Variants in CRIM1 observed in about 807,000 individuals in gnomAD.
CRIM1 encodes cysteine rich transmembrane BMP regulator 1, also known as cysteine-rich motor neuron 1 protein.
In CRIM1, 32 loss-of-function variants were observed where a neutral mutation model predicts 116.4. That is an observed-to-expected ratio of 0.27 (90% confidence interval 0.21 to 0.37). The LOEUF is 0.37. CRIM1 is among the 10% of genes least tolerant of loss of function. The pLI is 1.00. For missense variants in CRIM1, 1,331 were observed against 1,354.8 expected, an observed-to-expected ratio of 0.98 and a Z score of 0.28; for synonymous variants, 590 against 509.2, an observed-to-expected ratio of 1.16 and a Z score of -2.13.
chr2:36,416,341 A>AT (rs1673619683), intron 2 of CRIM1, among the ~76,000 whole-genome samples: 1 of 152,198 alleles, frequency 6.6e-6, no homozygotes, highest in African/African-American at 2.4e-5. Flanking sequence ...AACTTTCATG[A>AT]TATGCTAAAA....
At position 36,396,648 on chromosome 2, in the gene CRIM1, T is replaced by G; in HGVS notation, c.366T>G (p.Phe122Leu). The change falls in exon 2 of 17, where the codon TTT (phenylalanine) becomes TTG (leucine). Residue 122 changes from phenylalanine to leucine, a missense_variant. By Grantham distance (22) the Phe-to-Leu change is conservative. Transcript: ENST00000280527. ...GGACTGATGACCAACTGCTTGGTTT[T>G]AAACCATGCAATGAAAACCTTATTG... is the stretch of plus-strand genomic sequence containing the variant. ...ENWTDDQLLG[F>L]KPCNENLIAG... is the part of the protein sequence containing the mutation. 6.2e-7 allele frequency: 1 copy of G among 1,612,048 alleles called. No individual in the cohort carries two copies. Among genetic ancestry groups the G allele is most frequent in the African/African-American group, 1.3e-5 (1 of 75,032 alleles).
chr2:36,396,224 T>TA (rs1672019439), intron 1 of CRIM1, among the ~76,000 whole-genome samples: 1 of 152,198 alleles, frequency 6.6e-6, no homozygotes, highest in Non-Finnish European at 1.5e-5. Context: ...AAGAGCTCTT[T>TA]AAAAAATAAT....
chr2:36,475,919 A>C (rs113750520), intron 5 of CRIM1, among the ~76,000 whole-genome samples: 147 of 152,308 alleles, frequency 9.7e-4, no homozygotes, highest in African/African-American at 3.4e-3. Flanking sequence ...CATTCTTGGA[A>C]TAAGTCTCAC....
intron 4 of CRIM1, among the ~76,000 whole-genome samples, chr2:36,449,100 G>A (rs146355112): frequency 6.8e-6 from 1 of 148,016 alleles, no homozygotes; most frequent in Admixed American, 6.7e-5. Flanking sequence ...CTAATATGTT[G>A]ACTAATATGT....
At chr2:36,528,046 A>G (rs1049710335) in intron 13 of CRIM1, among the ~76,000 whole-genome samples, 14 of 152,226 alleles carry the variant, frequency 9.2e-5, no homozygotes, top group Non-Finnish European at 1.9e-4. Context: ...CAAAAGTGCC[A>G]AGAATATTAA....
intron 1 of CRIM1, among the ~76,000 whole-genome samples, chr2:36,380,124 T>C (rs1670630035): frequency 6.6e-6 from 1 of 152,180 alleles, no homozygotes; most frequent in South Asian, 2.1e-4. Flanking sequence ...CACTGTGTTC[T>C]GTTTCCTTCC....
At chr2:36,381,563 G>T (rs1014748318) in intron 1 of CRIM1, among the ~76,000 whole-genome samples, 1 of 152,252 alleles carries the variant, frequency 6.6e-6, no homozygotes, top group Admixed American at 6.5e-5. Flanking sequence ...TCCAGTGACT[G>T]TGTGGACTAG....
intron 15 of CRIM1, among the ~76,000 whole-genome samples, chr2:36,544,724 C>G (rs1457222635): frequency 6.6e-6 from 1 of 152,190 alleles, no homozygotes; most frequent in Non-Finnish European, 1.5e-5. Flanking sequence ...GCCCTCTGTG[C>G]TCAGAGACTT....
At position 36,387,601 on chromosome 2, in the gene CRIM1, G is replaced by A. The variant is rs543844941; in HGVS notation, c.332-9013G>A. On this transcript the variant is annotated intron_variant, in intron 1 of 16. Coordinates refer to ENST00000280527, the MANE Select transcript of CRIM1 (RefSeq NM_016441.3). ...AGAGTTAAGGTCTGTGCCACAAAGT[G>A]CAGCTAGGAAAACATGTAAATGGGC... Among the ~76,000 whole-genome samples, 6 of 152,304 alleles carry A rather than the reference G, an allele frequency of 3.9e-5. No homozygotes were observed. The East Asian group carries it at 9.6e-4, about 24-fold the overall frequency.
intron 5 of CRIM1, among the ~76,000 whole-genome samples, chr2:36,469,480 G>A (rs574472507): frequency 2.6e-5 from 4 of 152,186 alleles, no homozygotes; most frequent in South Asian, 4.1e-4. Context: ...AGGCATATAC[G>A]AAAGGCTAAT....
At chr2:36,546,522 G>A (rs1485726404) in intron 15 of CRIM1, among the ~76,000 whole-genome samples, 1 of 152,082 alleles carries the variant, frequency 6.6e-6, no homozygotes, top group African/African-American at 2.4e-5. Flanking sequence ...AATCTAATTA[G>A]TCTTAGCTAT....
At chr2:36,428,131 C>T (rs1170718722) in intron 2 of CRIM1, among the ~76,000 whole-genome samples, 3 of 152,232 alleles carry the variant, frequency 2.0e-5, no homozygotes, top group Non-Finnish European at 4.4e-5. Flanking sequence ...GTGTAAGATG[C>T]AGACTACAGA....
At chr2:36,537,177 G>A (rs923801102) in intron 13 of CRIM1, among the ~76,000 whole-genome samples, 175 bp from the exon 14 acceptor site, 2 of 152,190 alleles carry the variant, frequency 1.3e-5, no homozygotes, top group Non-Finnish European at 2.9e-5. Context: ...CAAGATGAGA[G>A]CCCTGAGGGT....
In CRIM1 at chr2:36,548,481, A is replaced by G. The variant is rs774461005; in HGVS notation, c.2935-44A>G. 11 of 1,455,460 alleles carry G rather than the reference A, an allele frequency of 7.6e-6. No individual in the cohort carries two copies. The South Asian group carries it at 1.5e-4, about 20-fold the overall frequency. 90.2% of individuals were successfully genotyped at this position (1,455,460 alleles called of 1,614,324 possible). A position where few individuals can be genotyped will look rare whatever the true frequency, so the allele number is the denominator to read the frequency against. ...TTTCTGTTCATTTGAGATAATGTAA[A>G]GCAACTAATTTTTTGTGGTTTTATT... On this transcript the variant is annotated intron_variant, in intron 16 of 16. Coordinates refer to ENST00000280527, the MANE Select transcript of CRIM1 (RefSeq NM_016441.3).
chr2:36,550,416 TA>T lies in CRIM1; in HGVS notation c.*1720del, dbSNP rs1667687435. On this transcript the variant is annotated 3_prime_UTR_variant, in exon 17 of 17. Transcript: ENST00000280527. ...CCCATTTGTGCATTGAGTTTTCTTTTAAAAATGCTTGTTGTGAAAGACACAG... is the reference window on the plus strand; with the variant it reads ...CCCATTTGTGCATTGAGTTTTCTTTTAAAATGCTTGTTGTGAAAGACACAG... 6.6e-6 allele frequency: 1 copy of T among 152,350 alleles called. No individual in the cohort carries two copies. Among genetic ancestry groups the T allele is most frequent in the East Asian group, 1.9e-4 (1 of 5,206 alleles). 9.4% of individuals were successfully genotyped at this position (152,350 alleles called of 1,614,324 possible).
chr2:36,420,343 G>GT (rs1673954391), intron 2 of CRIM1, among the ~76,000 whole-genome samples: 1 of 152,158 alleles, frequency 6.6e-6, no homozygotes, highest in African/African-American at 2.4e-5. Context: ...CATGAAGTAA[G>GT]TTAAAGGGGT....
At chr2:36,517,245 C>A in intron 11 of CRIM1, 82 bp from the exon 12 acceptor site, 1 of 1,129,948 alleles carries the variant, frequency 8.8e-7, no homozygotes, top group Non-Finnish European at 1.3e-6. Flanking sequence ...TCTTCTATCC[C>A]TTAAAGCAAA....
At chr2:36,400,326 G>A (rs1434747531) in intron 2 of CRIM1, among the ~76,000 whole-genome samples, 1 of 148,488 alleles carries the variant, frequency 6.7e-6, no homozygotes, top group Non-Finnish European at 1.5e-5. Context: ...GGATGATGTA[G>A]TTGATTGAAG....
chr2:36,419,891 A>C (rs1673919545), intron 2 of CRIM1, among the ~76,000 whole-genome samples: 1 of 152,226 alleles, frequency 6.6e-6, no homozygotes. Flanking sequence ...GGCAGTTTAT[A>C]AATAATCCTA....
Sources: gnomAD v4.1 joint callset for allele counts (sites outside exome capture counted in the v4.1 genomes callset) on GRCh38, gnomAD v4.1.1 for gene constraint, MANE v1.5 for transcripts, NCBI Gene and HGNC (gene_info 2026-07-23, HGNC 2026-07-21) for gene names.